MVB12B: variants seen among roughly 807,000 people sequenced by gnomAD.
MVB12B encodes ESCRT-I complex subunit MVB12B.
MVB12B carries 16 observed loss-of-function variants against 41.6 expected under a neutral mutation model. That is an observed-to-expected ratio of 0.38 (90% CI 0.26 to 0.58). The LOEUF is 0.58. Among genes scored for constraint, MVB12B ranks in the 20% least tolerant of loss-of-function variants. MVB12B has a pLI of 0.62. For synonymous variants in MVB12B, 133 were observed against 139.7 expected (o/e 0.95, Z 0.34); for missense variants, 274 against 380.2 (o/e 0.72, Z 2.32).
At chr9:126,399,922 G>A (rs373660735) in intron 6 of MVB12B, among the ~76,000 whole-genome samples, 2 of 152,192 alleles carry the variant, frequency 1.3e-5, no homozygotes, top group Admixed American at 6.5e-5. Flanking sequence ...GAGGCGATGG[G>A]CGCAGGCGGA....
intron 2 of MVB12B, among the ~76,000 whole-genome samples, chr9:126,368,082 G>A (rs1362899337): frequency 1.3e-5 from 2 of 152,332 alleles, no homozygotes; most frequent in East Asian, 1.9e-4. Flanking sequence ...AGTGGTTTCC[G>A]ATGCAACGCC....
chr9:126,328,005 C>G (rs1207210672), intron 1 of MVB12B, among the ~76,000 whole-genome samples: 1 of 152,146 alleles, frequency 6.6e-6, no homozygotes, highest in South Asian at 2.1e-4. Flanking sequence ...GTACATTTCT[C>G]GACAGCTGGC....
chr9:126,388,001 G>A (rs1830847026), intron 4 of MVB12B, among the ~76,000 whole-genome samples: 1 of 152,224 alleles, frequency 6.6e-6, no homozygotes. Flanking sequence ...TTATATTAAT[G>A]TACAGAGTTT....
At chr9:126,488,313 C>T (rs563943275) in intron 9 of MVB12B, among the ~76,000 whole-genome samples, 1 of 146,990 alleles carries the variant, frequency 6.8e-6, no homozygotes, top group Admixed American at 6.9e-5. Flanking sequence ...GCTTTGCTCA[C>T]TGTAAACCTT....
intron 7 of MVB12B, among the ~76,000 whole-genome samples, chr9:126,451,759 G>A (rs999828154): frequency 2.0e-5 from 3 of 152,122 alleles, no homozygotes; most frequent in African/African-American, 4.8e-5. Flanking sequence ...CATCTGGAGG[G>A]GGTTTATTTA....
rs552551440 is a variant in MVB12B, at chr9:126,501,612, C to T, written c.874-1565C>T. The stretch of plus-strand genomic sequence containing the variant: ...TGCTGGGCTTTGGCTGTGGACATGG[C>T]GCTAGTCTGTGGCCATGGACGTGGT... On this transcript the variant is annotated intron_variant, in intron 9 of 9. Coordinates refer to ENST00000361171, the MANE Select transcript of MVB12B (RefSeq NM_033446.3). Among the ~76,000 whole-genome samples, 82 of 152,322 alleles carry T rather than the reference C, an allele frequency of 5.4e-4. 2 individuals are homozygous for T. In the South Asian group the frequency reaches 6.6e-3, roughly 12 times the overall value.
At chr9:126,381,395 T>A (rs570974359) in intron 3 of MVB12B, among the ~76,000 whole-genome samples, 1 of 152,332 alleles carries the variant, frequency 6.6e-6, no homozygotes, top group African/African-American at 2.4e-5. Flanking sequence ...TTAAATTGTG[T>A]TCTCAAAAGG....
intron 7 of MVB12B, among the ~76,000 whole-genome samples, chr9:126,466,168 G>C (rs1833194745): frequency 6.6e-6 from 1 of 152,208 alleles, no homozygotes; most frequent in Non-Finnish European, 1.5e-5. Context: ...GGTCAACCTG[G>C]CTGCAGCCGG....
intron 8 of MVB12B, among the ~76,000 whole-genome samples, chr9:126,482,503 G>A (rs1833543502): frequency 6.6e-6 from 1 of 152,084 alleles, no homozygotes; most frequent in African/African-American, 2.4e-5. Context: ...CCGACTCCAC[G>A]GGGCCGCGTT....
At chr9:126,489,439 C>G (rs1833686131) in intron 9 of MVB12B, among the ~76,000 whole-genome samples, 1 of 152,202 alleles carries the variant, frequency 6.6e-6, no homozygotes, top group Non-Finnish European at 1.5e-5. Context: ...CCCCAAGAGT[C>G]GTGGTACCTG....
At chr9:126,405,221 G>A (rs1338607907) in intron 6 of MVB12B, among the ~76,000 whole-genome samples, 1 of 152,084 alleles carries the variant, frequency 6.6e-6, no homozygotes, top group Non-Finnish European at 1.5e-5. Flanking sequence ...ATTTTTCTCA[G>A]TGGTCATGGT....
intron 5 of MVB12B, among the ~76,000 whole-genome samples, chr9:126,393,326 C>G (rs1831014380): frequency 6.6e-6 from 1 of 152,244 alleles, no homozygotes. Flanking sequence ...GGCTCCGGTG[C>G]TGGGCTCTGT....
At chr9:126,462,280 G>C (rs1001995276) in intron 7 of MVB12B, among the ~76,000 whole-genome samples, 1 of 152,188 alleles carries the variant, frequency 6.6e-6, no homozygotes, top group Non-Finnish European at 1.5e-5. Context: ...TGCAGGCCAG[G>C]GTATTGGAAG....
At chr9:126,397,954 G>A (rs750308287) in intron 6 of MVB12B, among the ~76,000 whole-genome samples, 3 of 152,030 alleles carry the variant, frequency 2.0e-5, no homozygotes, top group Admixed American at 1.3e-4. Context: ...AGCCTATAGG[G>A]TAAGGCAGGC....
intron 9 of MVB12B, among the ~76,000 whole-genome samples, chr9:126,496,386 A>G (rs1452302277): frequency 7.3e-6 from 1 of 137,132 alleles, no homozygotes; most frequent in East Asian, 2.1e-4. Context: ...GCCACTACCT[A>G]TCCACCCATA....
chr9:126,489,602 G>A (rs537019175), intron 9 of MVB12B, among the ~76,000 whole-genome samples: 13 of 152,334 alleles, frequency 8.5e-5, no homozygotes, highest in Middle Eastern at 3.4e-3. Context: ...ATGATGGCGC[G>A]GGTGGCTGAA....
chr9:126,356,860 C>A (rs904908058), intron 2 of MVB12B, among the ~76,000 whole-genome samples: 4 of 152,044 alleles, frequency 2.6e-5, no homozygotes, highest in African/African-American at 9.7e-5. Context: ...TCCCACTTCA[C>A]CTTCCTCCAT....
chr9:126,406,066 A>C (rs951614555), intron 6 of MVB12B, among the ~76,000 whole-genome samples: 2 of 149,742 alleles, frequency 1.3e-5, no homozygotes, highest in Non-Finnish European at 3.0e-5. Flanking sequence ...TTTTTTTGAG[A>C]CGAAGTCTTG....
chr9:126,350,166 C>T (rs1829709575), intron 2 of MVB12B, among the ~76,000 whole-genome samples: 1 of 152,028 alleles, frequency 6.6e-6, no homozygotes, highest in Admixed American at 6.5e-5. Context: ...ATGCCCTTTA[C>T]TCATTTTCTC....
Sources: allele counts gnomAD v4.1 joint callset (sites outside exome capture counted in the v4.1 genomes callset), GRCh38; gene constraint gnomAD v4.1.1; transcripts MANE v1.5; gene names NCBI Gene and HGNC (gene_info 2026-07-23, HGNC 2026-07-21).